The following PTPRD variants were observed in gnomAD, a reference collection of about 807,000 sequenced individuals.
The protein encoded by PTPRD is protein tyrosine phosphatase receptor type D, also known as receptor-type tyrosine-protein phosphatase delta.
PTPRD carries 34 observed loss-of-function variants against 214.5 expected under a neutral mutation model. The observed-to-expected ratio is 0.16, with a 90% CI of 0.12 to 0.21. The LOEUF (loss-of-function observed/expected upper bound fraction) is 0.21. Among genes scored for constraint, PTPRD ranks in the 10% least tolerant of loss-of-function variants. The pLI, the probability that PTPRD is intolerant of heterozygous loss-of-function variation, is 1.00. For missense variants in PTPRD, 2,545 were observed against 2,398.7 expected (o/e 1.06, Z -1.27); for synonymous variants, 1,128 against 845.7 (o/e 1.33, Z -5.79).
At chr9:9,496,169 T>C (rs1024974505) in intron 8 of PTPRD, among the ~76,000 whole-genome samples, 8 of 152,144 alleles carry the variant, frequency 5.3e-5, no homozygotes, top group Non-Finnish European at 1.0e-4. Context: ...TTCTTGGATA[T>C]GACACCAAAA....
intron 8 of PTPRD, among the ~76,000 whole-genome samples, chr9:9,404,835 C>A (rs1017811014): frequency 4.6e-5 from 7 of 151,996 alleles, no homozygotes; most frequent in East Asian, 1.9e-4. Context: ...AGAGTGGGAA[C>A]TGAAGACATG....
intron 7 of PTPRD, among the ~76,000 whole-genome samples, chr9:9,606,104 T>C (rs1354890873): frequency 6.6e-6 from 1 of 152,108 alleles, no homozygotes; most frequent in Non-Finnish European, 1.5e-5. Flanking sequence ...TAACCTAATT[T>C]AAATGGCATA....
intron 9 of PTPRD, among the ~76,000 whole-genome samples, chr9:9,301,734 A>G (rs1955392149): frequency 6.6e-6 from 1 of 151,892 alleles, no homozygotes; most frequent in Non-Finnish European, 1.5e-5. Context: ...AATTGTATTG[A>G]TTGCACTAAT....
intron 8 of PTPRD, among the ~76,000 whole-genome samples, chr9:9,493,757 C>T (rs1479009866): frequency 7.8e-6 from 1 of 127,770 alleles, no homozygotes; most frequent in South Asian, 2.4e-4. Context: ...CACTGCACTC[C>T]AGCCTGGGTG....
chr9:8,709,839 A>C (rs958883907), intron 12 of PTPRD, among the ~76,000 whole-genome samples: 3 of 152,236 alleles, frequency 2.0e-5, no homozygotes, highest in African/African-American at 7.2e-5. Context: ...GCTAAGGGAA[A>C]GGTAAATAGG....
At chr9:9,456,305 T>A (rs190932091) in intron 8 of PTPRD, among the ~76,000 whole-genome samples, 3 of 151,968 alleles carry the variant, frequency 2.0e-5, no homozygotes, top group Non-Finnish European at 4.4e-5. Flanking sequence ...CAATGTCTGC[T>A]GATGTCTAAA....
chr9:8,920,876 C>G (rs1311822781), intron 11 of PTPRD, among the ~76,000 whole-genome samples: 1 of 152,144 alleles, frequency 6.6e-6, no homozygotes, highest in Non-Finnish European at 1.5e-5. Flanking sequence ...TGCAGTGGTG[C>G]AATCTCGGCT....
At chr9:10,295,026 C>T (rs1056136235) in intron 3 of PTPRD, among the ~76,000 whole-genome samples, 1 of 151,912 alleles carries the variant, frequency 6.6e-6, no homozygotes, top group African/African-American at 2.4e-5. Flanking sequence ...TTTAATACGA[C>T]ATACTGATAA....
chr9:9,303,438 T>C lies in PTPRD; in HGVS notation c.-203+94011A>G, dbSNP rs144809166. ...GTTACATGTGTATTTTCTATGTTTC[T>C]CACTTTTACAACAAATAATTCTTGG... On this transcript the variant is annotated intron_variant, in intron 9 of 45. Transcript: ENST00000381196. 4.8e-3 allele frequency among the ~76,000 whole-genome samples: 730 copies of C among 152,224 alleles called. 4 individuals are homozygous for C. Among genetic ancestry groups the C allele is most frequent in the African/African-American group, 0.017 (697 of 41,580 alleles).
chr9:10,173,114 C>T (rs1048707367), intron 3 of PTPRD, among the ~76,000 whole-genome samples: 4 of 151,960 alleles, frequency 2.6e-5, no homozygotes, highest in Admixed American at 6.6e-5. Context: ...ATAACATTAG[C>T]GTATGATTAC....
intron 3 of PTPRD, among the ~76,000 whole-genome samples, chr9:10,280,134 T>C (rs2095012354): frequency 3.9e-5 from 6 of 151,948 alleles, no homozygotes; most frequent in Admixed American, 3.9e-4. Flanking sequence ...AATCAGGAGA[T>C]CTAGCTTGAA....
intron 9 of PTPRD, among the ~76,000 whole-genome samples, chr9:9,356,662 T>C (rs2053910153): frequency 6.6e-6 from 1 of 151,508 alleles, no homozygotes; most frequent in African/African-American, 2.4e-5. Flanking sequence ...TATCAGAAGC[T>C]GCATCTTGAA....
At position 10,449,119 on chromosome 9, in the gene PTPRD, C is replaced by T. The variant is rs563049632; in HGVS notation, c.-599-108102G>A. Among the ~76,000 whole-genome samples, 605 of 152,150 alleles carry T rather than the reference C, an allele frequency of 4.0e-3. 9 individuals are homozygous for T. The highest frequency in any genetic ancestry group is 5.7e-3 in the Admixed American group (88 of 15,306). ...AGGCTGGACTGTACTGCCGCCATCT[C>T]GGCTCACTGCAACCTCCCTGCCTGA... On this transcript the variant is annotated intron_variant, in intron 2 of 45. Transcript: ENST00000381196.
intron 9 of PTPRD, among the ~76,000 whole-genome samples, chr9:9,343,502 G>T (rs865814824): frequency 6.6e-5 from 10 of 151,982 alleles, no homozygotes; most frequent in East Asian, 1.9e-4. Context: ...TCATATGTTT[G>T]TTGGCTACAT....
At chr9:8,497,375 T>C in intron 25 of PTPRD, 107 bp from the exon 26 acceptor site, 1 of 897,484 alleles carries the variant, frequency 1.1e-6, no homozygotes, top group Non-Finnish European at 1.6e-6. Flanking sequence ...ATCAAAAAAA[T>C]AAAGCAGTGT....
chr9:9,328,513 T>C (rs1330461320), intron 9 of PTPRD, among the ~76,000 whole-genome samples: 1 of 151,822 alleles, frequency 6.6e-6, no homozygotes, highest in Non-Finnish European at 1.5e-5. Flanking sequence ...TAACTTTAAA[T>C]CTGTCAATTT....
rs377180574 is a variant in PTPRD, at chr9:8,395,833, G to C, written c.4211-6426C>G. ...TGAGAATGGACACAGGAAAGTAGAC[G>C]GCTGATTGAACTATCTTTGAATACA... On this transcript the variant is annotated intron_variant, in intron 36 of 45. Coordinates refer to ENST00000381196, the MANE Select transcript of PTPRD (RefSeq NM_002839.4). Among the ~76,000 whole-genome samples, 9 of 152,084 alleles carry C rather than the reference G, an allele frequency of 5.9e-5. No homozygotes were observed. The East Asian group carries it at 1.7e-3, about 29-fold the overall frequency.
intron 14 of PTPRD, among the ~76,000 whole-genome samples, chr9:8,605,128 CTCT>C (rs1293438161): frequency 2.6e-5 from 4 of 152,198 alleles, no homozygotes; most frequent in African/African-American, 9.6e-5. Context: ...CACAAATAAA[CTCT>C]TCTTCTATCA....
chr9:8,820,728 C>T (rs897738486), intron 11 of PTPRD, among the ~76,000 whole-genome samples: 6 of 147,010 alleles, frequency 4.1e-5, no homozygotes, highest in Admixed American at 3.4e-4. Context: ...TACTACACAC[C>T]ACACACACAC....
Sources: gnomAD v4.1 joint callset for allele counts (sites outside exome capture counted in the v4.1 genomes callset) on GRCh38, gnomAD v4.1.1 for gene constraint, MANE v1.5 for transcripts, NCBI Gene and HGNC (gene_info 2026-07-23, HGNC 2026-07-21) for gene names.